GVQW3: variants seen among roughly 807,000 people sequenced by gnomAD.
GVQW3 encodes the protein protein GVQW3.
In GVQW3, 7 loss-of-function variants were observed where a neutral mutation model predicts 12.5. The observed-to-expected ratio is 0.56, with a 90% CI of 0.32 to 1.05. The LOEUF is 1.05. Among genes scored for constraint, GVQW3 ranks in the 50% least tolerant of loss-of-function variants. The pLI is 0.04. For synonymous variants in GVQW3, 71 were observed against 67.2 expected (o/e 1.06, Z -0.28); for missense variants, 188 against 190.8 (o/e 0.99, Z 0.09).
chr11:76,401,975 A>G (rs575065073), intron 1 of GVQW3, among the ~76,000 whole-genome samples: 91 of 152,276 alleles, frequency 6.0e-4, no homozygotes, highest in African/African-American at 2.1e-3. Context: ...CTCTAACGCC[A>G]GGATACAGCT....
At chr11:76,410,401 T>C (rs1160894899), downstream of GVQW3, among the ~76,000 whole-genome samples, 1 of 150,996 alleles carries the variant, frequency 6.6e-6, no homozygotes, top group Non-Finnish European at 1.5e-5. Context: ...TTTTCTCCTA[T>C]ATAATCATTT....
intron 1 of GVQW3, among the ~76,000 whole-genome samples, chr11:76,385,797 G>A (rs911097842): frequency 6.6e-6 from 1 of 152,088 alleles, no homozygotes; most frequent in African/African-American, 2.4e-5. Context: ...TTTTTCTAAG[G>A]GACATGGGCA....
Position 76,381,772 on chromosome 11 carries a change from C to T in GVQW3, c.-57C>T. On this transcript the variant is annotated 5_prime_UTR_variant, in exon 1 of 2. Coordinates refer to ENST00000529331, the MANE Select transcript of GVQW3 (RefSeq NM_001347885.2). ...TGCAGCCCTATAAAGATTGATCTGT[C>T]CGTCTTTCCCTTACAGTCGTGGCCT... 7.0e-7 allele frequency: 1 copy of T among 1,426,822 alleles called. No homozygotes were observed. The highest frequency in any genetic ancestry group is 1.5e-5 in the South Asian group (1 of 68,910). The allele number at this position is 1,426,822 out of a possible 1,614,324, so 88.4% of individuals were successfully genotyped here. A position where few individuals can be genotyped will look rare whatever the true frequency, so the allele number is the denominator to read the frequency against.
rs549449325 is a variant in GVQW3 at position 76,401,826 on chromosome 11, A to G, written c.466-1834A>G. On this transcript the variant is annotated intron_variant, in intron 1 of 1. Transcript: ENST00000529331. ...AAAAGAAAAGAAAGAATTTATCTCAATGGGTGCCTGCATCTAAAGGTAAAG... is the reference window on the plus strand; with the variant it reads ...AAAAGAAAAGAAAGAATTTATCTCAGTGGGTGCCTGCATCTAAAGGTAAAG... Among the ~76,000 whole-genome samples the G allele has an allele frequency of 3.3e-5, 5 of 152,170 alleles. No homozygotes were observed. In the East Asian group the frequency reaches 7.7e-4, roughly 23 times the overall value.
At chr11:76,394,568 C>T (rs920205474) in intron 1 of GVQW3, among the ~76,000 whole-genome samples, 1 of 152,192 alleles carries the variant, frequency 6.6e-6, no homozygotes, top group Non-Finnish European at 1.5e-5. Context: ...ATATCTGCCA[C>T]ATTTTCTTTA....
chr11:76,404,168 A>C lies in GVQW3; in HGVS notation c.*410A>C. The C allele has an allele frequency of 2.4e-6, 1 of 423,192 alleles. No homozygotes were observed. The highest frequency in any genetic ancestry group is 4.2e-6 in the Non-Finnish European group (1 of 238,522). 26.2% of individuals were successfully genotyped at this position (423,192 alleles called of 1,614,324 possible). ...AGACTAGTTAAGTTCAGTAGTGAGAAAGAGGGAAGGAATAGAACGAGGAGT... is the reference window on the plus strand; with the variant it reads ...AGACTAGTTAAGTTCAGTAGTGAGACAGAGGGAAGGAATAGAACGAGGAGT... On this transcript the variant is annotated 3_prime_UTR_variant, in exon 2 of 2. Transcript: ENST00000529331.
intron 1 of GVQW3, 58 bp downstream of exon 1, chr11:76,382,351 C>G: frequency 9.1e-7 from 1 of 1,104,396 alleles, no homozygotes; most frequent in Non-Finnish European, 1.3e-6. Context: ...GGAAATGCCC[C>G]TGCCGGTATC....
rs905577358 is a variant in GVQW3, at chr11:76,407,762, A to G, written c.*4004A>G. ...AAGAAGGAAATAACCCAAATGTCCC[A>G]CAATGGAGAAATTGTTAAGAAAATT... On this transcript the variant is annotated 3_prime_UTR_variant, in exon 2 of 2. Coordinates refer to ENST00000529331, the MANE Select transcript of GVQW3 (RefSeq NM_001347885.2). 2.0e-5 allele frequency: 3 copies of G among 152,172 alleles called. No homozygotes were observed. The highest frequency in any genetic ancestry group is 4.4e-5 in the Non-Finnish European group (3 of 68,030). 9.4% of individuals were successfully genotyped at this position (152,172 alleles called of 1,614,324 possible). A position where few individuals can be genotyped will look rare whatever the true frequency, so the allele number is the denominator to read the frequency against.
downstream of GVQW3, chr11:76,408,439 A>T (rs1419334194): frequency 6.6e-6 from 1 of 152,224 alleles, no homozygotes; most frequent in Non-Finnish European, 1.5e-5. Flanking sequence ...ACCTCATATA[A>T]AGCTCTCTTT....
intron 1 of GVQW3, chr11:76,390,190 T>G (rs927900469): frequency 1.1e-4 from 17 of 152,280 alleles, no homozygotes; most frequent in African/African-American, 3.9e-4. Context: ...AATACATATT[T>G]TATAGGCCTA....
chr11:76,395,947 T>G lies in GVQW3; in HGVS notation c.466-7713T>G, dbSNP rs763832251. Among the ~76,000 whole-genome samples the G allele has an allele frequency of 1.8e-4, 27 of 152,340 alleles. No homozygotes were observed. In the Middle Eastern group the frequency reaches 0.01, roughly 58 times the overall value. On this transcript the variant is annotated intron_variant, in intron 1 of 1. Coordinates refer to ENST00000529331, the MANE Select transcript of GVQW3 (RefSeq NM_001347885.2). ...AGGGCACCCGAAACCTTATGAAATATGTCTTGCCACTCTAGATGTTAGGAA... is the reference window on the plus strand; with the variant it reads ...AGGGCACCCGAAACCTTATGAAATAGGTCTTGCCACTCTAGATGTTAGGAA...
intron 1 of GVQW3, among the ~76,000 whole-genome samples, chr11:76,397,002 C>CTTTTTTTTTTTTTT (rs11401694): frequency 9.0e-6 from 1 of 110,872 alleles, no homozygotes; most frequent in Non-Finnish European, 1.8e-5. Context: ...TCATTTATTC[C>CTTTTTTTTTTTTTT]TTTTTTTTTT....
intron 1 of GVQW3, among the ~76,000 whole-genome samples, chr11:76,390,981 G>A (rs190352348): frequency 4.0e-5 from 6 of 151,580 alleles, no homozygotes; most frequent in Admixed American, 3.9e-4. Context: ...CTGTGTATAC[G>A]AGGCACACAG....
At chr11:76,387,800 G>A (rs143444014) in intron 1 of GVQW3, among the ~76,000 whole-genome samples, 296 of 152,302 alleles carry the variant, frequency 1.9e-3, no homozygotes, top group African/African-American at 6.9e-3. Context: ...GCACGTGGCT[G>A]TAGTCCCAGC....
rs1164991468 is a variant in GVQW3 at position 76,407,551 on chromosome 11, T to C, written c.*3793T>C. ...GAGATCGCACCACTGCACTCCAGCC[T>C]GGGCGGCAGAGCAAGACTCCCTCTC... On this transcript the variant is annotated 3_prime_UTR_variant, in exon 2 of 2. Coordinates refer to ENST00000529331, the MANE Select transcript of GVQW3 (RefSeq NM_001347885.2). 8.2e-6 allele frequency: 1 copy of C among 121,640 alleles called. No individual in the cohort carries two copies. Among genetic ancestry groups the C allele is most frequent in the Admixed American group, 1.1e-4 (1 of 9,370 alleles). 7.5% of individuals were successfully genotyped at this position (121,640 alleles called of 1,614,324 possible).
intron 1 of GVQW3, among the ~76,000 whole-genome samples, chr11:76,393,797 A>G (rs1378334130): frequency 6.6e-6 from 1 of 152,174 alleles, no homozygotes; most frequent in Admixed American, 6.6e-5. Context: ...ATACAGGCAT[A>G]CAATGTATAG....
At chr11:76,402,360 C>G (rs1024722715) in intron 1 of GVQW3, among the ~76,000 whole-genome samples, 1 of 152,086 alleles carries the variant, frequency 6.6e-6, no homozygotes, top group Non-Finnish European at 1.5e-5. Context: ...TGAGACCAGC[C>G]TGGACAACAT....
At chr11:76,389,885 T>G (rs886538635) in intron 1 of GVQW3, 1 of 152,234 alleles carries the variant, frequency 6.6e-6, no homozygotes, top group African/African-American at 2.4e-5. Context: ...TATTCTATAC[T>G]GAGAATACTG....
downstream of GVQW3, among the ~76,000 whole-genome samples, chr11:76,409,346 A>G (rs1947067020): frequency 6.6e-6 from 1 of 152,234 alleles, no homozygotes; most frequent in Admixed American, 6.5e-5. Flanking sequence ...AATGTCAAGA[A>G]GGAGCCAGCT....
Sources: gnomAD v4.1 joint callset for allele counts (sites outside exome capture counted in the v4.1 genomes callset) on GRCh38, gnomAD v4.1.1 for gene constraint, MANE v1.5 for transcripts, NCBI Gene and HGNC (gene_info 2026-07-23, HGNC 2026-07-21) for gene names.